Variants in IL1RAPL1 observed in about 807,000 individuals in gnomAD.
IL1RAPL1 encodes the protein interleukin-1 receptor accessory protein-like 1.
Under a neutral mutation model 48.4 loss-of-function variants are expected in IL1RAPL1, and 3 were observed. The ratio of observed to expected loss-of-function variants is 0.06; its 90% confidence interval spans 0.03 to 0.16. IL1RAPL1 has a LOEUF of 0.16. Ranked by LOEUF, IL1RAPL1 falls within the 10% of genes least tolerant of loss-of-function variation. IL1RAPL1 has a pLI of 1.00. For missense variants in IL1RAPL1, 349 were observed against 530.6 expected (o/e 0.66, Z 3.36); for synonymous variants, 185 against 187.7 (o/e 0.99, Z 0.12).
chrX:29,682,418 C>G (rs1455926614), intron 6 of IL1RAPL1, among the ~76,000 whole-genome samples: 5 of 111,036 alleles, frequency 4.5e-5, no homozygotes, highest in African/African-American at 1.6e-4. Flanking sequence ...CTGCCTTTTT[C>G]CCTTGTGCCT....
At chrX:29,466,192 C>T (rs985931915) in intron 5 of IL1RAPL1, among the ~76,000 whole-genome samples, 1 of 111,969 alleles carries the variant, frequency 8.9e-6, no homozygotes, top group Non-Finnish European at 1.9e-5. Context: ...AGGCAAGAGA[C>T]AGAGCAAGGC....
intron 5 of IL1RAPL1, among the ~76,000 whole-genome samples, chrX:29,505,425 C>T (rs1456881337): frequency 9.0e-6 from 1 of 111,506 alleles, no homozygotes; most frequent in Non-Finnish European, 1.9e-5. Context: ...TCTTATTAAA[C>T]AGATCGGGTC....
intron 3 of IL1RAPL1, among the ~76,000 whole-genome samples, chrX:29,392,399 A>G (rs1176952956): frequency 1.8e-5 from 2 of 112,245 alleles, no homozygotes; most frequent in East Asian, 5.5e-4. Flanking sequence ...GAGAGTGTGT[A>G]AATTCCCCTC....
chrX:29,150,915 C>G (rs1182624813), intron 2 of IL1RAPL1, among the ~76,000 whole-genome samples: 1 of 99,166 alleles, frequency 1.0e-5, no homozygotes, highest in East Asian at 3.1e-4. Context: ...GAGCAAGACT[C>G]CATCTCAAAA....
At chrX:29,011,899 A>G (rs1007838182) in intron 2 of IL1RAPL1, among the ~76,000 whole-genome samples, 2 of 112,644 alleles carry the variant, frequency 1.8e-5, no homozygotes, top group Admixed American at 9.4e-5. Flanking sequence ...AATGAATTCA[A>G]TTGGAGTTTT....
intron 5 of IL1RAPL1, among the ~76,000 whole-genome samples, chrX:29,632,637 C>T (rs1025060434): frequency 1.8e-5 from 2 of 111,921 alleles, no homozygotes; most frequent in African/African-American, 3.2e-5. Context: ...CTTATGCTGA[C>T]GGTGTCTTGT....
chrX:29,711,048 G>A (rs1927332913), intron 6 of IL1RAPL1, among the ~76,000 whole-genome samples: 1 of 41,581 alleles, frequency 2.4e-5, no homozygotes, highest in African/African-American at 9.4e-5. Context: ...AGCATGGTGT[G>A]TGTGTGTGTG....
At chrX:29,490,820 T>G (rs781334782) in intron 5 of IL1RAPL1, among the ~76,000 whole-genome samples, 5 of 86,602 alleles carry the variant, frequency 5.8e-5, no homozygotes, top group Middle Eastern at 5.2e-3. Context: ...AGTACACAGT[T>G]ACTCATCTGA....
intron 1 of IL1RAPL1, among the ~76,000 whole-genome samples, chrX:28,710,676 G>GA (rs1317364589): frequency 1.8e-5 from 2 of 111,172 alleles, no homozygotes; most frequent in East Asian, 5.6e-4. Flanking sequence ...TAGCTACTTT[G>GA]AAAAAATGGA....
chrX:28,909,146 CTGTTTTTTAATTGG>C (rs1366678783), intron 2 of IL1RAPL1, among the ~76,000 whole-genome samples: 2 of 111,601 alleles, frequency 1.8e-5, no homozygotes, highest in Non-Finnish European at 3.8e-5. Context: ...CTCTTACAGT[CTGTTTTTTAATTGG>C]TGTATTTTGA....
At chrX:29,861,914 C>CT (rs1370340447) in intron 6 of IL1RAPL1, among the ~76,000 whole-genome samples, 7 of 111,102 alleles carry the variant, frequency 6.3e-5, no homozygotes, top group African/African-American at 2.3e-4. Context: ...AGTAAAGAAT[C>CT]TAAGCAGGGT....
intron 3 of IL1RAPL1, among the ~76,000 whole-genome samples, chrX:29,389,170 C>T (rs978633832): frequency 1.8e-5 from 2 of 109,724 alleles, no homozygotes; most frequent in African/African-American, 6.6e-5. Flanking sequence ...GCCTGGCTAA[C>T]ACGGTGAAAC....
intron 2 of IL1RAPL1, among the ~76,000 whole-genome samples, chrX:29,271,256 G>A (rs1055577718): frequency 8.9e-6 from 1 of 111,895 alleles, no homozygotes; most frequent in Non-Finnish European, 1.9e-5. Context: ...TCTTTATCCA[G>A]TCTACCATTG....
intron 1 of IL1RAPL1, among the ~76,000 whole-genome samples, chrX:28,773,914 C>T (rs1936335144): frequency 8.9e-6 from 1 of 112,023 alleles, no homozygotes. Flanking sequence ...TTCTGTTCCT[C>T]GCAAAATGTC....
chrX:28,852,137 C>T (rs1921678182), intron 2 of IL1RAPL1, among the ~76,000 whole-genome samples: 1 of 111,399 alleles, frequency 9.0e-6, no homozygotes, highest in Non-Finnish European at 1.9e-5. Flanking sequence ...CAGGGATTTT[C>T]AGAGAAGCAC....
chrX:29,822,145 T>A (rs777638314), intron 6 of IL1RAPL1, among the ~76,000 whole-genome samples: 89 of 111,953 alleles, frequency 7.9e-4, no homozygotes, highest in African/African-American at 2.3e-3. Context: ...GTTTTTTTTT[T>A]AAATTTCAAT....
At chrX:28,965,176 G>T (rs905506235) in intron 2 of IL1RAPL1, among the ~76,000 whole-genome samples, 2 of 111,472 alleles carry the variant, frequency 1.8e-5, no homozygotes, top group African/African-American at 6.5e-5. Flanking sequence ...GGTTGAAAAA[G>T]AACTTCAAAT....
intron 2 of IL1RAPL1, among the ~76,000 whole-genome samples, chrX:28,836,396 C>CAG (rs1186556525): frequency 1.0e-5 from 1 of 97,326 alleles, no homozygotes; most frequent in Non-Finnish European, 2.0e-5. Flanking sequence ...GACAGACAGA[C>CAG]AGAGAGAGAG....
At chrX:29,531,710 T>C (rs956958027) in intron 5 of IL1RAPL1, among the ~76,000 whole-genome samples, 2 of 112,247 alleles carry the variant, frequency 1.8e-5, no homozygotes. Context: ...GGCACAGCCA[T>C]GCTCTCTCTT....
Sources: gnomAD v4.1 joint callset for allele counts (sites outside exome capture counted in the v4.1 genomes callset) on GRCh38, gnomAD v4.1.1 for gene constraint, MANE v1.5 for transcripts, NCBI Gene and HGNC (gene_info 2026-07-23, HGNC 2026-07-21) for gene names.